Variants in MAPK8IP3 observed in about 807,000 individuals in gnomAD.
MAPK8IP3 encodes C-Jun-amino-terminal kinase-interacting protein 3.
MAPK8IP3 carries 49 observed loss-of-function variants against 157.8 expected under a neutral mutation model. That is an observed-to-expected ratio of 0.31 (90% CI 0.25 to 0.39). The LOEUF is 0.39. Among genes scored for constraint, MAPK8IP3 ranks in the 10% least tolerant of loss-of-function variants. The probability of loss-of-function intolerance (pLI) is 1.00; values close to 1 mark genes in which losing one functional copy is unlikely to be tolerated. For missense variants in MAPK8IP3, 1,478 were observed against 1,889.4 expected (o/e 0.78, Z 4.04); for synonymous variants, 897 against 777.7 (o/e 1.15, Z -2.55).
At chr16:1,754,173 CA>C (rs11296984) in intron 8 of MAPK8IP3, among the ~76,000 whole-genome samples, 7,378 of 123,280 alleles carry the variant, frequency 0.06, 364 homozygotes, top group African/African-American at 0.15. Context: ...AACTCTGTCT[CA>C]AAAAAAAAAA....
At chr16:1,745,005 C>A in intron 5 of MAPK8IP3, 1 of 985,248 alleles carries the variant, frequency 1.0e-6, no homozygotes, top group Non-Finnish European at 1.2e-6. Flanking sequence ...TGTGGCTACT[C>A]ATGGTGAGGA....
At chr16:1,754,234 G>A (rs931794530) in intron 8 of MAPK8IP3, among the ~76,000 whole-genome samples, 10 of 151,806 alleles carry the variant, frequency 6.6e-5, no homozygotes, top group South Asian at 2.1e-4. Context: ...TGAGTATGTC[G>A]CTGGTGCTGG....
intron 17 of MAPK8IP3, 81 bp from the exon 18 acceptor site, chr16:1,764,034 G>A (rs1325327670): frequency 6.6e-6 from 9 of 1,372,814 alleles, no homozygotes; most frequent in South Asian, 1.4e-5. Flanking sequence ...CCAGAAGCTG[G>A]CAGCCCTACC....
intron 13 of MAPK8IP3, 44 bp downstream of exon 13, chr16:1,761,349 C>T (rs753596622): frequency 1.9e-6 from 3 of 1,558,360 alleles, no homozygotes; most frequent in Non-Finnish European, 8.8e-7. Context: ...GTCCACCATT[C>T]ACTTTTCACA....
chr16:1,767,075 G>C, intron 25 of MAPK8IP3, 74 bp from the exon 26 acceptor site: 1 of 1,589,438 alleles, frequency 6.3e-7, no homozygotes, highest in Non-Finnish European at 8.6e-7. Context: ...TCTGGCAGTG[G>C]GTGTCTCAAC....
intron 8 of MAPK8IP3, chr16:1,748,986 A>G: frequency 1.7e-6 from 1 of 572,334 alleles, no homozygotes; most frequent in South Asian, 1.5e-5. Context: ...CCTCCCGTGT[A>G]CTCTAAATCA....
At chr16:1,723,510 C>G (rs1172785519) in intron 1 of MAPK8IP3, among the ~76,000 whole-genome samples, 1 of 152,064 alleles carries the variant, frequency 6.6e-6, no homozygotes. Flanking sequence ...GTCCCAGCTG[C>G]TCAGGAGGTG....
At chr16:1,762,540 G>A (rs868813507) in intron 14 of MAPK8IP3, 59 bp downstream of exon 14, 25 of 1,600,748 alleles carry the variant, frequency 1.6e-5, no homozygotes, top group Middle Eastern at 3.4e-4. Context: ...GCAGGACTGC[G>A]GCTCCCTCCT....
chr16:1,711,983 G>A (rs1485004609), intron 1 of MAPK8IP3, among the ~76,000 whole-genome samples: 2 of 146,418 alleles, frequency 1.4e-5, no homozygotes, highest in Non-Finnish European at 1.5e-5. Context: ...CTGAGGTCCC[G>A]AGCTCCCCTT....
At chr16:1,719,611 C>T (rs1166628158) in intron 1 of MAPK8IP3, among the ~76,000 whole-genome samples, 4 of 144,362 alleles carry the variant, frequency 2.8e-5, no homozygotes, top group South Asian at 4.4e-4. Context: ...GAGGGGGGAT[C>T]GCTTGAGCCC....
chr16:1,744,183 G>A, intron 5 of MAPK8IP3: 1 of 985,660 alleles, frequency 1.0e-6, no homozygotes, highest in Non-Finnish European at 1.2e-6. Context: ...ACTGGCCTCA[G>A]TGCCAGGTAA....
rs1567178404 is a variant in MAPK8IP3, at chr16:1,743,576, C to G, written c.747+100C>G. 1.3e-6 allele frequency: 2 copies of G among 1,496,318 alleles called. No individual in the cohort carries two copies. The highest frequency in any genetic ancestry group is 5.4e-5 in the East Asian group (2 of 37,090). 92.7% of individuals were successfully genotyped at this position (1,496,318 alleles called of 1,614,324 possible). A position where few individuals can be genotyped will look rare whatever the true frequency, so the allele number is the denominator to read the frequency against. The stretch of plus-strand genomic sequence containing the variant: ...CGTCTGCAGGCAGCCCTTCACGGCT[C>G]TCTGGGCCACTCGCCCTCTCCCTTC... On this transcript the variant is annotated intron_variant, in intron 5 of 31. Coordinates refer to ENST00000610761, the MANE Select transcript of MAPK8IP3 (RefSeq NM_001318852.2). The surrounding 1 kb of genome is among the most constrained non-coding windows in gnomAD (Gnocchi z 5.6).
intron 19 of MAPK8IP3, 32 bp downstream of exon 19, chr16:1,764,491 C>T: frequency 6.2e-7 from 1 of 1,600,932 alleles, no homozygotes; most frequent in Non-Finnish European, 8.5e-7. Flanking sequence ...GGGCACCCTC[C>T]CTGGCTTAGT....
intron 1 of MAPK8IP3, among the ~76,000 whole-genome samples, chr16:1,721,808 C>T (rs546365077): frequency 1.0e-3 from 153 of 152,110 alleles, no homozygotes; most frequent in African/African-American, 2.9e-3. Context: ...CTTGCTCTGT[C>T]GCCCAGGCTG....
At chr16:1,739,079 AC>A (rs1198467698) in intron 4 of MAPK8IP3, among the ~76,000 whole-genome samples, 1 of 111,572 alleles carries the variant, frequency 9.0e-6, no homozygotes, top group Non-Finnish European at 1.8e-5. Context: ...TGTGAGTGTG[AC>A]CATCCATGTG....
Position 1,729,186 on chromosome 16 carries a change from C to T in MAPK8IP3, c.488C>T (p.Ala163Val). ...RESEMKKEYN[A>V]LHQRHTEMIQ... ...TCGGAGATGAAGAAGGAGTACAATG[C>T]CCTGCACCAGCGGCACACAGAGGTG... The change falls in exon 3 of 32, where the codon GCC becomes GTC. Residue 163 changes from alanine (A) to valine (V), a missense_variant. Transcript: ENST00000610761. 1.9e-6 allele frequency: 3 copies of T among 1,613,984 alleles called. No homozygotes were observed. Among genetic ancestry groups the T allele is most frequent in the Non-Finnish European group, 2.5e-6 (3 of 1,180,016 alleles).
intron 4 of MAPK8IP3, among the ~76,000 whole-genome samples, chr16:1,735,871 C>T (rs557919968): frequency 7.7e-6 from 1 of 130,068 alleles, no homozygotes; most frequent in African/African-American, 3.0e-5. Context: ...ATATGACCGT[C>T]CATGGAGCAT....
At position 1,706,297 on chromosome 16, in the gene MAPK8IP3, G is replaced by T. The variant is rs1419214812; in HGVS notation, c.-43G>T. The T allele has an allele frequency of 6.7e-7, 1 of 1,491,106 alleles. No homozygotes were observed. Among genetic ancestry groups the T allele is most frequent in the Non-Finnish European group, 8.9e-7 (1 of 1,120,546 alleles). The allele number at this position is 1,491,106 out of a possible 1,614,324, so 92.4% of individuals were successfully genotyped here. A position where few individuals can be genotyped will look rare whatever the true frequency, so the allele number is the denominator to read the frequency against. ...GAGGCAGCTGGGGAGGGCCGGGCGC[G>T]CCGGCCGGATAGCGAGCCGCGCTGG... On this transcript the variant is annotated 5_prime_UTR_variant, in exon 1 of 32. Coordinates refer to ENST00000610761, the MANE Select transcript of MAPK8IP3 (RefSeq NM_001318852.2). This position sits in a 1 kb window ranked among gnomAD's most constrained non-coding sequence, Gnocchi z 5.1.
intron 8 of MAPK8IP3, among the ~76,000 whole-genome samples, chr16:1,750,387 A>G (rs534612568): frequency 6.6e-6 from 1 of 151,904 alleles, no homozygotes; most frequent in Admixed American, 6.6e-5. Context: ...TAATTTTTGT[A>G]TTTTTAGTGC....
Sources: gnomAD v4.1 joint callset for allele counts (sites outside exome capture counted in the v4.1 genomes callset) on GRCh38, gnomAD v4.1.1 for gene constraint, Gnocchi (gnomAD v3.1) non-coding constraint, MANE v1.5 for transcripts, NCBI Gene and HGNC (gene_info 2026-07-23, HGNC 2026-07-21) for gene names.